The following UBE2V2 variants were observed in gnomAD, a reference collection of about 807,000 sequenced individuals.
UBE2V2 encodes ubiquitin-conjugating enzyme E2 variant 2.
A neutral mutation model predicts 17.2 loss-of-function variants in UBE2V2; 9 were observed. The observed-to-expected ratio is 0.52, with a 90% CI of 0.32 to 0.91. UBE2V2 has a LOEUF of 0.91. UBE2V2 is among the 40% of genes least tolerant of loss of function. The probability of loss-of-function intolerance (pLI) is 0.04; values close to 1 mark genes in which losing one functional copy is unlikely to be tolerated. For missense variants in UBE2V2, 133 were observed against 182.6 expected, an observed-to-expected ratio of 0.73 and a Z score of 1.56; for synonymous variants, 61 against 57.5, an observed-to-expected ratio of 1.06 and a Z score of -0.28.
rs2154508424 is a variant in UBE2V2 at position 48,063,366 on chromosome 8, A to T, written c.*2538A>T. 6.6e-6 allele frequency: 1 copy of T among 152,390 alleles called. No homozygotes were observed. The highest frequency in any genetic ancestry group is 2.4e-5 in the African/African-American group (1 of 41,596). 9.4% of individuals were successfully genotyped at this position (152,390 alleles called of 1,614,324 possible). A position where few individuals can be genotyped will look rare whatever the true frequency, so the allele number is the denominator to read the frequency against. Reference sequence around the variant, plus strand: ...AATTAATATAGAAAAGCTCTTAATTATAATAACATTTGGAAGAAATTTTTC... The same window carrying T: ...AATTAATATAGAAAAGCTCTTAATTTTAATAACATTTGGAAGAAATTTTTC... On this transcript the variant is annotated 3_prime_UTR_variant, in exon 4 of 4. Coordinates refer to ENST00000523111, the MANE Select transcript of UBE2V2 (RefSeq NM_003350.3).
At chr8:48,044,743 A>T (rs1340091182) in intron 2 of UBE2V2, among the ~76,000 whole-genome samples, 2 of 152,128 alleles carry the variant, frequency 1.3e-5, no homozygotes, top group Non-Finnish European at 2.9e-5. Context: ...TGTTTGGTTT[A>T]AAAAAAGCGC....
chr8:48,010,385 G>T (rs561457998), intron 1 of UBE2V2, among the ~76,000 whole-genome samples: 61 of 146,126 alleles, frequency 4.2e-4, no homozygotes, highest in Middle Eastern at 3.7e-3. Context: ...GTGAGCCACC[G>T]TTCCCATCTA....
intron 3 of UBE2V2, among the ~76,000 whole-genome samples, chr8:48,052,738 G>A (rs2091547025): frequency 6.6e-6 from 1 of 152,058 alleles, no homozygotes; most frequent in South Asian, 2.1e-4. Flanking sequence ...ATTCCTTTAG[G>A]GGCATCAGCC....
At chr8:48,035,617 T>C (rs1408494553) in intron 1 of UBE2V2, among the ~76,000 whole-genome samples, 1 of 120,570 alleles carries the variant, frequency 8.3e-6, no homozygotes, top group Non-Finnish European at 1.8e-5. Context: ...TTAAAAATTA[T>C]TGTTTTTTTT....
the UBE2V2 span, among the ~76,000 whole-genome samples, chr8:48,000,210 C>A: frequency 0.031 from 4,723 of 152,310 alleles, 102 homozygotes; most frequent in Non-Finnish European, 0.05. Context: ...GGAATGTATG[C>A]ATGTTGAAAC....
At chr8:48,046,818 C>T (rs1440987278) in intron 2 of UBE2V2, among the ~76,000 whole-genome samples, 1 of 151,824 alleles carries the variant, frequency 6.6e-6, no homozygotes, top group Non-Finnish European at 1.5e-5. Context: ...CCAGACGGGT[C>T]TCAAACTCCT....
At chr8:48,033,869 A>C (rs1482229917) in intron 1 of UBE2V2, among the ~76,000 whole-genome samples, 3 of 152,064 alleles carry the variant, frequency 2.0e-5, no homozygotes, top group Non-Finnish European at 4.4e-5. Context: ...AGGTGGGAGG[A>C]TCGCTTGAGC....
chr8:48,039,794 G>A (rs2091449399), intron 1 of UBE2V2, among the ~76,000 whole-genome samples: 1 of 151,878 alleles, frequency 6.6e-6, no homozygotes, highest in South Asian at 2.1e-4. Flanking sequence ...GTGCAGTGGT[G>A]TGATCACAGA....
intron 1 of UBE2V2, among the ~76,000 whole-genome samples, chr8:48,017,985 G>A (rs530742358): frequency 6.1e-4 from 93 of 151,684 alleles, no homozygotes; most frequent in African/African-American, 2.2e-3. Flanking sequence ...ACAGGTGCAC[G>A]CCACCATACC....
At chr8:48,002,558 T>C in the UBE2V2 span, among the ~76,000 whole-genome samples, 6 of 142,442 alleles carry the variant, frequency 4.2e-5, no homozygotes, top group Admixed American at 2.8e-4. Context: ...GAAGCCGAGG[T>C]GGGCAGATTG....
intron 1 of UBE2V2, among the ~76,000 whole-genome samples, chr8:48,010,636 C>T (rs1399656408): frequency 6.7e-6 from 1 of 150,360 alleles, no homozygotes; most frequent in Non-Finnish European, 1.5e-5. Context: ...CTCTTGACCT[C>T]GTGATCCGGC....
At chr8:48,017,030 A>T (rs2091273958) in intron 1 of UBE2V2, among the ~76,000 whole-genome samples, 1 of 151,808 alleles carries the variant, frequency 6.6e-6, no homozygotes, top group Non-Finnish European at 1.5e-5. Flanking sequence ...ACCTCAGGTG[A>T]TCCACCTGCC....
chr8:48,038,137 G>A (rs929204788), intron 1 of UBE2V2, among the ~76,000 whole-genome samples: 10 of 151,976 alleles, frequency 6.6e-5, no homozygotes, highest in African/African-American at 2.4e-4. Context: ...TCAAACACCA[G>A]GAAAATACGT....
At chr8:48,019,391 G>A (rs2091289899) in intron 1 of UBE2V2, among the ~76,000 whole-genome samples, 1 of 151,976 alleles carries the variant, frequency 6.6e-6, no homozygotes, top group African/African-American at 2.4e-5. Context: ...AATTGGGCGT[G>A]GTGGTGGGCT....
chr8:48,054,603 T>C (rs377109003), intron 3 of UBE2V2, among the ~76,000 whole-genome samples: 22 of 152,230 alleles, frequency 1.4e-4, no homozygotes, highest in East Asian at 7.7e-4. Context: ...GAATTTCACA[T>C]TGGTGATTGT....
At chr8:48,018,235 A>C (rs924939950) in intron 1 of UBE2V2, among the ~76,000 whole-genome samples, 2 of 152,206 alleles carry the variant, frequency 1.3e-5, no homozygotes, top group Non-Finnish European at 2.9e-5. Flanking sequence ...TCTTAATTGG[A>C]AAAGAAGTTA....
the UBE2V2 span, among the ~76,000 whole-genome samples, chr8:47,999,363 T>TA: frequency 7.2e-6 from 1 of 139,062 alleles, no homozygotes; most frequent in African/African-American, 2.6e-5. Context: ...AGACTTCCCC[T>TA]TTTTTTTTTT....
In UBE2V2 at chr8:48,043,097, C is replaced by T. The variant is rs545217661; in HGVS notation, c.81C>T (p.Gly27=). The T allele has an allele frequency of 7.5e-6, 12 of 1,597,370 alleles. No homozygotes were observed. Among genetic ancestry groups the T allele is most frequent in the Middle Eastern group, 1.7e-4 (1 of 5,988 alleles). ...EELEEGQKGV[G]DGTVSWGLED... ...TTGAAGAAGGACAAAAAGGAGTAGG[C>T]GACGGTACAGTTAGCTGGGGCCTTG... is the stretch of plus-strand genomic sequence containing the variant. Residue 27 remains glycine, a synonymous_variant, in exon 2 of 4, where the codon GGC becomes GGT. Coordinates refer to ENST00000523111, the MANE Select transcript of UBE2V2 (RefSeq NM_003350.3).
At chr8:48,011,538 A>G (rs1227001452) in intron 1 of UBE2V2, among the ~76,000 whole-genome samples, 3 of 152,226 alleles carry the variant, frequency 2.0e-5, no homozygotes, top group Non-Finnish European at 4.4e-5. Context: ...AAGAGGCCAA[A>G]AAGAAAAACC....
Sources: allele counts gnomAD v4.1 joint callset (sites outside exome capture counted in the v4.1 genomes callset), GRCh38; gene constraint gnomAD v4.1.1; transcripts MANE v1.5; gene names NCBI Gene and HGNC (gene_info 2026-07-23, HGNC 2026-07-21).